Variants in ARHGAP24 observed in about 807,000 individuals in gnomAD.
The protein encoded by ARHGAP24 is Rho GTPase activating protein 24.
In ARHGAP24, 50 loss-of-function variants were observed where a neutral mutation model predicts 76.4. The observed-to-expected ratio is 0.65, with a 90% CI of 0.52 to 0.83. The LOEUF (loss-of-function observed/expected upper bound fraction) is 0.83. Among genes scored for constraint, ARHGAP24 ranks in the 40% least tolerant of loss-of-function variants. The pLI is 0.00. For synonymous variants in ARHGAP24, 345 were observed against 323.3 expected (o/e 1.07, Z -0.72); for missense variants, 930 against 914.2 (o/e 1.02, Z -0.22).
At chr4:85,938,801 C>T (rs2148822850) in intron 4 of ARHGAP24, among the ~76,000 whole-genome samples, 1 of 152,122 alleles carries the variant, frequency 6.6e-6, no homozygotes, top group South Asian at 2.1e-4. Context: ...GCAGCATGCT[C>T]ATTGAAGCTC....
chr4:85,894,096 TAATAA>T (rs1289425593), intron 3 of ARHGAP24, among the ~76,000 whole-genome samples: 57 of 54,126 alleles, frequency 1.1e-3, no homozygotes, highest in African/African-American at 3.1e-3. Context: ...ACTTAGAGTA[TAATAA>T]AAAAAAAAAA....
intron 3 of ARHGAP24, among the ~76,000 whole-genome samples, chr4:85,904,175 T>C (rs1218179430): frequency 6.6e-6 from 1 of 152,134 alleles, no homozygotes; most frequent in Non-Finnish European, 1.5e-5. Flanking sequence ...AATTGGCTCA[T>C]GGTCCTGCAG....
intron 2 of ARHGAP24, among the ~76,000 whole-genome samples, chr4:85,660,242 A>T (rs998656292): frequency 2.0e-5 from 3 of 152,246 alleles, no homozygotes; most frequent in African/African-American, 7.2e-5. Context: ...TGAAGCAAGG[A>T]AAATGTACTT....
chr4:85,548,849 G>C (rs1002936046), intron 1 of ARHGAP24, among the ~76,000 whole-genome samples: 4 of 152,122 alleles, frequency 2.6e-5, no homozygotes, highest in African/African-American at 9.7e-5. Context: ...GGAGTAGCTA[G>C]TTTCCTGATT....
intron 3 of ARHGAP24, among the ~76,000 whole-genome samples, chr4:85,793,323 A>G (rs1044728084): frequency 2.0e-5 from 3 of 152,180 alleles, no homozygotes; most frequent in African/African-American, 7.2e-5. Flanking sequence ...TAAAGAAACA[A>G]AGTTAAGCAT....
At chr4:85,500,729 G>A (rs1414778518) in intron 1 of ARHGAP24, among the ~76,000 whole-genome samples, 1 of 152,006 alleles carries the variant, frequency 6.6e-6, no homozygotes, top group Non-Finnish European at 1.5e-5. Flanking sequence ...TTTTTATTAT[G>A]ATGATACTTT....
At chr4:85,919,756 A>G (rs529856911) in intron 3 of ARHGAP24, among the ~76,000 whole-genome samples, 1 of 152,252 alleles carries the variant, frequency 6.6e-6, no homozygotes, top group African/African-American at 2.4e-5. Context: ...CACTCTAATT[A>G]CTAGACCTGG....
intron 3 of ARHGAP24, among the ~76,000 whole-genome samples, chr4:85,761,106 G>A (rs1193197483): frequency 6.6e-6 from 1 of 152,146 alleles, no homozygotes; most frequent in Non-Finnish European, 1.5e-5. Flanking sequence ...TTGCAGGAGG[G>A]AGACGTTCTC....
intron 4 of ARHGAP24, among the ~76,000 whole-genome samples, chr4:85,927,894 G>A (rs1368901525): frequency 6.6e-6 from 1 of 152,176 alleles, no homozygotes; most frequent in East Asian, 1.9e-4. Flanking sequence ...GGAGACACCT[G>A]AGGAGCTTGT....
intron 3 of ARHGAP24, among the ~76,000 whole-genome samples, chr4:85,921,728 A>G (rs1419971242): frequency 6.6e-6 from 1 of 152,172 alleles, no homozygotes; most frequent in Non-Finnish European, 1.5e-5. Flanking sequence ...GAGGTGAGCC[A>G]GGGGCAAGTG....
At chr4:85,666,074 T>C (rs1391911467) in intron 2 of ARHGAP24, among the ~76,000 whole-genome samples, 1 of 152,212 alleles carries the variant, frequency 6.6e-6, no homozygotes, top group Non-Finnish European at 1.5e-5. Flanking sequence ...CCTTGCTAGA[T>C]TGGGGAAGTT....
At chr4:85,502,792 T>A (rs890733194) in intron 1 of ARHGAP24, among the ~76,000 whole-genome samples, 9 of 152,224 alleles carry the variant, frequency 5.9e-5, no homozygotes, top group African/African-American at 2.2e-4. Context: ...ATCCTTGTCT[T>A]GTGCCAGTTT....
intron 2 of ARHGAP24, among the ~76,000 whole-genome samples, chr4:85,631,839 T>A (rs1436880309): frequency 6.6e-6 from 1 of 152,100 alleles, no homozygotes; most frequent in Admixed American, 6.6e-5. Context: ...ATGTTGACTA[T>A]TGTGATACAG....
At chr4:85,930,574 CA>C in intron 4 of ARHGAP24, 4 of 1,034,694 alleles carry the variant, frequency 3.9e-6, no homozygotes, top group South Asian at 3.6e-5. Context: ...TTAATAAAAA[CA>C]AAAAAATGCA....
At chr4:85,886,428 A>C (rs1560696195) in intron 3 of ARHGAP24, among the ~76,000 whole-genome samples, 1 of 152,142 alleles carries the variant, frequency 6.6e-6, no homozygotes, top group African/African-American at 2.4e-5. Flanking sequence ...TGAGCACTTA[A>C]TAGATGAAGA....
intron 3 of ARHGAP24, among the ~76,000 whole-genome samples, chr4:85,918,516 A>C (rs1054245356): frequency 6.6e-5 from 10 of 152,152 alleles, no homozygotes; most frequent in African/African-American, 2.4e-4. Flanking sequence ...CATACAGTTA[A>C]TGGATATTTA....
chr4:85,668,330 T>G (rs115225625), intron 2 of ARHGAP24, among the ~76,000 whole-genome samples: 2,852 of 152,362 alleles, frequency 0.019, 86 homozygotes, highest in African/African-American at 0.063. Flanking sequence ...TTCCTTCATC[T>G]ATCTATTCAA....
At chr4:85,534,285 T>A (rs1398225334) in intron 1 of ARHGAP24, among the ~76,000 whole-genome samples, 1 of 142,438 alleles carries the variant, frequency 7.0e-6, no homozygotes, top group East Asian at 1.9e-4. Context: ...TGCCCTCTGT[T>A]CCTTTGACAC....
intron 2 of ARHGAP24, among the ~76,000 whole-genome samples, chr4:85,668,548 A>C (rs1722717748): frequency 6.6e-6 from 1 of 152,248 alleles, no homozygotes; most frequent in African/African-American, 2.4e-5. Context: ...GGCTAGTGGC[A>C]TCTTAGTAGA....
Sources: gnomAD v4.1 joint callset for allele counts (sites outside exome capture counted in the v4.1 genomes callset) on GRCh38, gnomAD v4.1.1 for gene constraint, MANE v1.5 for transcripts, NCBI Gene and HGNC (gene_info 2026-07-23, HGNC 2026-07-21) for gene names.